CCDC117: variants seen among roughly 807,000 people sequenced by gnomAD.
The protein encoded by CCDC117 is coiled-coil domain containing 117.
CCDC117 carries 1 observed loss-of-function variant against 23.5 expected under a neutral mutation model. The ratio of observed to expected loss-of-function variants is 0.04; its 90% CI spans 0.02 to 0.20. The LOEUF is 0.20. Ranked by LOEUF, CCDC117 falls within the 10% of genes least tolerant of loss-of-function variation. The pLI is 1.00. For missense variants in CCDC117, 383 were observed against 348.2 expected (o/e 1.10, Z -0.80); for synonymous variants, 132 against 124.8 (o/e 1.06, Z -0.39).
chr22:28,774,070 GTTTT>G (rs67314143), intron 2 of CCDC117, among the ~76,000 whole-genome samples: 1 of 126,094 alleles, frequency 7.9e-6, no homozygotes, highest in African/African-American at 2.9e-5. Context: ...TTTTGTTTTT[GTTTT>G]TTTTTTTTTT....
intron 4 of CCDC117, 125 bp from the exon 5 acceptor site, chr22:28,785,964 G>GTT (rs1311066622): frequency 1.5e-6 from 1 of 655,748 alleles, no homozygotes; most frequent in Non-Finnish European, 2.7e-6. Context: ...CAGTTTGTGT[G>GTT]TTCTAAATCT....
At chr22:28,773,643 A>T (rs539765351) in intron 1 of CCDC117, 82 bp from the exon 2 acceptor site, 25 of 1,160,974 alleles carry the variant, frequency 2.2e-5, no homozygotes, top group Middle Eastern at 1.9e-4. Context: ...GATGAGCAAG[A>T]TTATTGGAGC....
Position 28,788,021 on chromosome 22 carries a change from TC to T in CCDC117, c.*1697del, listed in dbSNP as rs910271441. Reference sequence around the variant, plus strand: ...ATTGGACTGTTGCTTCTTTGCCTGTTCCTGCTTTCTCTTTCTGTCTGGATAG... The same window carrying T: ...ATTGGACTGTTGCTTCTTTGCCTGTTCTGCTTTCTCTTTCTGTCTGGATAG... On this transcript the variant is annotated 3_prime_UTR_variant, in exon 5 of 5. Coordinates refer to ENST00000249064, the MANE Select transcript of CCDC117 (RefSeq NM_173510.4). 1.3e-5 allele frequency: 2 copies of T among 152,674 alleles called. No individual in the cohort carries two copies. Among genetic ancestry groups the T allele is most frequent in the Non-Finnish European group, 2.9e-5 (2 of 68,046 alleles). The allele number at this position is 152,674 out of a possible 1,614,324, so 9.5% of individuals were successfully genotyped here.
chr22:28,773,339 C>T (rs560943801), intron 1 of CCDC117: 1 of 182,126 alleles, frequency 5.5e-6, no homozygotes, highest in East Asian at 1.3e-4. Context: ...TGGGTGCCCC[C>T]TCGGCGCGGC....
intron 1 of CCDC117, 121 bp from the exon 2 acceptor site, chr22:28,773,604 G>A (rs2031064354): frequency 2.6e-6 from 2 of 763,442 alleles, no homozygotes; most frequent in Admixed American, 2.1e-5. Flanking sequence ...CATCCCACTA[G>A]GCTCAGAAAG....
chr22:28,773,394 A>T, intron 1 of CCDC117: 1 of 259,306 alleles, frequency 3.9e-6, no homozygotes. Flanking sequence ...AAAGTATGCC[A>T]AGCATGGGAC....
chr22:28,784,111 C>T (rs138656556), intron 4 of CCDC117, among the ~76,000 whole-genome samples: 22 of 152,330 alleles, frequency 1.4e-4, no homozygotes, highest in African/African-American at 4.1e-4. Flanking sequence ...ATAGTCCTTC[C>T]AGGCCTTTAG....
At chr22:28,777,035 T>G (rs952278458) in intron 2 of CCDC117, among the ~76,000 whole-genome samples, 2 of 75,998 alleles carry the variant, frequency 2.6e-5, no homozygotes, top group Non-Finnish European at 4.6e-5. Context: ...ACTGTAGCTG[T>G]TTTTTTTTTT....
intron 1 of CCDC117, 40 bp downstream of exon 1, chr22:28,773,074 CGGGCGGG>C (rs2146241679): frequency 2.6e-6 from 1 of 383,726 alleles, no homozygotes; most frequent in Admixed American, 6.6e-5. Flanking sequence ...GGCGGGCGGG[CGGGCGGG>C]CAGGCTGGGC....
At chr22:28,777,036 T>G (rs2031183050) in intron 2 of CCDC117, among the ~76,000 whole-genome samples, 1 of 86,642 alleles carries the variant, frequency 1.2e-5, no homozygotes, top group African/African-American at 6.1e-5. Context: ...CTGTAGCTGT[T>G]TTTTTTTTTT....
intron 1 of CCDC117, 49 bp from the exon 2 acceptor site, chr22:28,773,676 C>A: frequency 6.8e-7 from 1 of 1,476,548 alleles, no homozygotes; most frequent in Non-Finnish European, 9.5e-7. Flanking sequence ...ACTGAAACCA[C>A]AAGCTCGAGT....
At chr22:28,773,081 G>A in intron 1 of CCDC117, 47 bp downstream of exon 1, 1 of 918,646 alleles carries the variant, frequency 1.1e-6, no homozygotes, top group Non-Finnish European at 1.3e-6. Context: ...GGGCGGGCGG[G>A]CAGGCTGGGC....
intron 2 of CCDC117, among the ~76,000 whole-genome samples, chr22:28,776,934 G>C (rs1662342906): frequency 6.6e-6 from 1 of 151,902 alleles, no homozygotes; most frequent in South Asian, 2.1e-4. Context: ...TGGCCAGGCT[G>C]GTCTAAAACT....
rs1392750845 is a variant in CCDC117, at chr22:28,787,305, A to G, written c.*979A>G. ...CAGGTGCCCACCTCCACGCCCAGCT[A>G]ATTTTTGTATTTTTAATAGAGACCG... On this transcript the variant is annotated 3_prime_UTR_variant, in exon 5 of 5. Transcript: ENST00000249064. 1 of 151,716 alleles carries G rather than the reference A, an allele frequency of 6.6e-6. No individual in the cohort carries two copies. Among genetic ancestry groups the G allele is most frequent in the Non-Finnish European group, 1.5e-5 (1 of 67,980 alleles). 9.4% of individuals were successfully genotyped at this position (151,716 alleles called of 1,614,324 possible).
At chr22:28,785,636 A>C (rs979952609) in intron 4 of CCDC117, among the ~76,000 whole-genome samples, 1 of 152,212 alleles carries the variant, frequency 6.6e-6, no homozygotes, top group Non-Finnish European at 1.5e-5. Flanking sequence ...AATTTCCAAC[A>C]ATCAAGGGCT....
At chr22:28,775,003 C>T (rs1453267255) in intron 2 of CCDC117, among the ~76,000 whole-genome samples, 1 of 152,164 alleles carries the variant, frequency 6.6e-6, no homozygotes, top group Non-Finnish European at 1.5e-5. Context: ...GTGGCTCACA[C>T]CTGTAATCCC....
At chr22:28,785,514 A>G (rs1457703736) in intron 4 of CCDC117, among the ~76,000 whole-genome samples, 2 of 152,104 alleles carry the variant, frequency 1.3e-5, no homozygotes, top group Non-Finnish European at 1.5e-5. Context: ...TTGTACCTAT[A>G]CTAAAAGGCA....
chr22:28,784,801 C>T (rs1247431461), intron 4 of CCDC117, among the ~76,000 whole-genome samples: 4 of 152,086 alleles, frequency 2.6e-5, no homozygotes, highest in East Asian at 1.9e-4. Context: ...GATGGAGTCT[C>T]GCTCTGTTGC....
intron 3 of CCDC117, among the ~76,000 whole-genome samples, chr22:28,782,250 CTTTTTTTTTTT>C (rs34670753): frequency 4.2e-4 from 34 of 80,318 alleles, no homozygotes; most frequent in East Asian, 2.0e-3. Flanking sequence ...TCTACTGAGC[CTTTTTTTTTTT>C]TTTTTTTTTT....
Sources: gnomAD v4.1 joint callset for allele counts (sites outside exome capture counted in the v4.1 genomes callset) on GRCh38, gnomAD v4.1.1 for gene constraint, MANE v1.5 for transcripts, NCBI Gene and HGNC (gene_info 2026-07-23, HGNC 2026-07-21) for gene names.